GRIP2: variants seen among roughly 807,000 people sequenced by gnomAD.
The protein encoded by GRIP2 is glutamate receptor-interacting protein 2.
GRIP2 carries 58 observed loss-of-function variants against 108.3 expected under a neutral mutation model. The ratio of observed to expected loss-of-function variants is 0.54; its 90% CI spans 0.43 to 0.67. GRIP2 has a LOEUF of 0.67. Ranked by LOEUF, GRIP2 falls within the 30% of genes least tolerant of loss-of-function variation. The probability of loss-of-function intolerance (pLI) is 0.00; values close to 1 mark genes in which losing one functional copy is unlikely to be tolerated. For synonymous variants in GRIP2, 586 were observed against 598.2 expected, an observed-to-expected ratio of 0.98 and a Z score of 0.30; for missense variants, 1,278 against 1,430.6, an observed-to-expected ratio of 0.89 and a Z score of 1.72.
At chr3:14,501,866 T>A (rs920647627) in intron 21 of GRIP2, among the ~76,000 whole-genome samples, 6 of 152,146 alleles carry the variant, frequency 3.9e-5, no homozygotes, top group African/African-American at 1.4e-4. Context: ...GAATTAAAGA[T>A]AATTGCTACA....
intron 21 of GRIP2, among the ~76,000 whole-genome samples, chr3:14,499,531 C>T (rs1240229756): frequency 6.6e-6 from 1 of 151,222 alleles, no homozygotes; most frequent in Non-Finnish European, 1.5e-5. Flanking sequence ...ACCTGGGCAA[C>T]ATGGTGAAAC....
chr3:14,527,933 T>C (rs760476747), intron 1 of GRIP2, among the ~76,000 whole-genome samples: 24 of 152,130 alleles, frequency 1.6e-4, no homozygotes, highest in Admixed American at 6.6e-5. Context: ...AATTTAAATA[T>C]AGTAAAATTT....
At chr3:14,573,367 C>A in the GRIP2 span, 1 of 1,337,128 alleles carries the variant, frequency 7.5e-7, no homozygotes, top group African/African-American at 1.4e-5. Context: ...GCCAGCTTCT[C>A]CAGGTCCCGC....
the GRIP2 span, among the ~76,000 whole-genome samples, chr3:14,577,257 G>A: frequency 6.6e-6 from 1 of 152,212 alleles, no homozygotes; most frequent in African/African-American, 2.4e-5. Context: ...TTGGATAAGA[G>A]ACAAATGGTG....
At chr3:14,497,741 G>A (rs1048023375) in intron 21 of GRIP2, among the ~76,000 whole-genome samples, 1 of 152,186 alleles carries the variant, frequency 6.6e-6, no homozygotes, top group African/African-American at 2.4e-5. Context: ...GAGGAGATCT[G>A]TTAGGGGTCA....
rs376032044 is a variant in GRIP2 at position 14,506,965 on chromosome 3, C to A, written c.2234G>T (p.Arg745Leu). The A allele has an allele frequency of 5.0e-6, 8 of 1,603,620 alleles. No individual in the cohort carries two copies. The highest frequency in any genetic ancestry group is 6.8e-6 in the Non-Finnish European group (8 of 1,175,074). ...GGTCTCACTGAGGCTGCCCGACTTGCGGGGTAGGAGGGGACCTGGGAGGAG... is the reference window on the plus strand; with the variant it reads ...GGTCTCACTGAGGCTGCCCGACTTGAGGGGTAGGAGGGGACCTGGGAGGAG... ...KKQLDRPLLP[R>L]KSGSLSETSD... Residue 745 changes from arginine (R) to leucine (L), a missense_variant, in exon 19 of 24, where the codon CGC becomes CTC. Arg to Leu is a moderately radical substitution (Grantham distance 102). Transcript: ENST00000621039.
chr3:14,506,755 G>C (rs369455154), intron 19 of GRIP2, 46 bp downstream of exon 19: 3 of 1,502,374 alleles, frequency 2.0e-6, no homozygotes, highest in Non-Finnish European at 2.7e-6. Context: ...CAGCAGGGGC[G>C]GCCTAGAGAG....
At chr3:14,568,098 C>T in the GRIP2 span, among the ~76,000 whole-genome samples, 1 of 152,180 alleles carries the variant, frequency 6.6e-6, no homozygotes, top group East Asian at 1.9e-4. Context: ...GGCAGACCAC[C>T]AAGGGCCAGG....
intron 21 of GRIP2, among the ~76,000 whole-genome samples, chr3:14,500,268 A>C (rs900348411): frequency 6.6e-6 from 1 of 152,238 alleles, no homozygotes; most frequent in African/African-American, 2.4e-5. Context: ...GGTAGAATGC[A>C]TGGAGGACAA....
upstream of GRIP2, among the ~76,000 whole-genome samples, chr3:14,544,901 C>G (rs1413221072): frequency 6.6e-6 from 1 of 152,236 alleles, no homozygotes; most frequent in Non-Finnish European, 1.5e-5. Context: ...TGTCCTCACT[C>G]TGTCCAAGGT....
At chr3:14,576,423 C>T in the GRIP2 span, among the ~76,000 whole-genome samples, 72 of 152,346 alleles carry the variant, frequency 4.7e-4, no homozygotes, top group African/African-American at 1.7e-3. Flanking sequence ...ACCCACTTCA[C>T]TACACGGCCT....
Position 14,507,031 on chromosome 3 carries a change from G to C in GRIP2, c.2219-51C>G. 3 of 1,498,766 alleles carry C rather than the reference G, an allele frequency of 2.0e-6. No homozygotes were observed. Among genetic ancestry groups the C allele is most frequent in the Middle Eastern group, 1.7e-4 (1 of 5,764 alleles). The allele number at this position is 1,498,766 out of a possible 1,614,324, so 92.8% of individuals were successfully genotyped here. A position where few individuals can be genotyped will look rare whatever the true frequency, so the allele number is the denominator to read the frequency against. ...CTGACTTCAGAGACACTCACAGTGA[G>C]CCTCAGTTTCTGCATTTCAGCCTGG... is the stretch of plus-strand genomic sequence containing the variant. On this transcript the variant is annotated intron_variant, in intron 18 of 23. Coordinates refer to ENST00000621039, the MANE Select transcript of GRIP2 (RefSeq NM_001080423.4). The surrounding 1 kb of genome is among the most constrained non-coding windows in gnomAD (Gnocchi z 4.6).
chr3:14,544,596 G>C (rs553979939), upstream of GRIP2, among the ~76,000 whole-genome samples: 79 of 152,302 alleles, frequency 5.2e-4, no homozygotes, highest in Non-Finnish European at 8.4e-4. Flanking sequence ...AAGTCTGGGT[G>C]AGAGGGAGGC....
At chr3:14,529,198 G>C (rs1694643043) in intron 1 of GRIP2, among the ~76,000 whole-genome samples, 1 of 149,242 alleles carries the variant, frequency 6.7e-6, no homozygotes, top group Non-Finnish European at 1.5e-5. Context: ...TGAATGGCGT[G>C]AACCTGGGAG....
At chr3:14,602,405 G>C in the GRIP2 span, 3 of 152,190 alleles carry the variant, frequency 2.0e-5, no homozygotes, top group East Asian at 5.9e-4. This position sits in a 1 kb window ranked among gnomAD's most constrained non-coding sequence, Gnocchi z 4.7. Flanking sequence ...CTCCGGGGTC[G>C]GCATGGGGGT....
At chr3:14,554,033 T>C (rs113480995) in intron 1 of GRIP2, among the ~76,000 whole-genome samples, 63 of 152,204 alleles carry the variant, frequency 4.1e-4, no homozygotes, top group African/African-American at 1.5e-3. Flanking sequence ...GACAGTGGTG[T>C]GTGCATGGGG....
At chr3:14,494,233 A>G (rs1360159303) in intron 23 of GRIP2, among the ~76,000 whole-genome samples, 1 of 152,256 alleles carries the variant, frequency 6.6e-6, no homozygotes, top group Non-Finnish European at 1.5e-5. Flanking sequence ...TAATGGAGAC[A>G]AAAAGTTTCC....
the GRIP2 span, among the ~76,000 whole-genome samples, chr3:14,561,259 A>G: frequency 6.6e-6 from 1 of 152,368 alleles, no homozygotes; most frequent in South Asian, 2.1e-4. Flanking sequence ...GAAAACAGCA[A>G]GGGCAGATCA....
chr3:14,529,701 C>T (rs367863222), intron 1 of GRIP2, among the ~76,000 whole-genome samples: 55 of 152,182 alleles, frequency 3.6e-4, no homozygotes, highest in East Asian at 2.5e-3. Context: ...GAACATTCAC[C>T]TATTATTTTA....
Sources: allele counts gnomAD v4.1 joint callset (sites outside exome capture counted in the v4.1 genomes callset), GRCh38; gene constraint gnomAD v4.1.1; non-coding constraint Gnocchi (gnomAD v3.1); transcripts MANE v1.5; gene names NCBI Gene and HGNC (gene_info 2026-07-23, HGNC 2026-07-21).